Variants in KCNQ1 observed in about 807,000 individuals in gnomAD.
KCNQ1 encodes the protein potassium voltage-gated channel subfamily Q member 1.
KCNQ1 carries 49 observed loss-of-function variants against 72.4 expected under a neutral mutation model. The ratio of observed to expected loss-of-function variants is 0.68; its 90% CI spans 0.54 to 0.86. KCNQ1 has a LOEUF of 0.86. Ranked by LOEUF, KCNQ1 falls within the 40% of genes least tolerant of loss-of-function variation. The probability of loss-of-function intolerance (pLI) is 0.00; values close to 1 mark genes in which losing one functional copy is unlikely to be tolerated. For synonymous variants in KCNQ1, 450 were observed against 412.6 expected, an observed-to-expected ratio of 1.09 and a Z score of -1.10; for missense variants, 790 against 945.1, an observed-to-expected ratio of 0.84 and a Z score of 2.15.
At position 2,668,165 on chromosome 11, in the gene KCNQ1, C is replaced by A; in HGVS notation, c.1514+6084C>A. On this transcript the variant is annotated intron_variant, in intron 11 of 15. Transcript: ENST00000155840. The surrounding 1 kb of genome is among the most constrained non-coding windows in gnomAD (Gnocchi z 4.3). ...TGAAGGGAGAGTGCTCCCTCATGCT[C>A]CTTGCTGACTGGTGCTCCATTGTGT... 1 of 398,574 alleles carries A rather than the reference C, an allele frequency of 2.5e-6. No homozygotes were observed. Among genetic ancestry groups the A allele is most frequent in the South Asian group, 1.3e-4 (1 of 7,802 alleles). 24.7% of individuals were successfully genotyped at this position (398,574 alleles called of 1,614,324 possible).
chr11:2,629,357 T>G, intron 10 of KCNQ1: 2 of 398,492 alleles, frequency 5.0e-6, no homozygotes, highest in Non-Finnish European at 8.9e-6. Flanking sequence ...TCTCTATTTT[T>G]TATTTTATCT....
intron 2 of KCNQ1, among the ~76,000 whole-genome samples, chr11:2,554,956 A>G (rs1421089081): frequency 6.6e-6 from 1 of 152,256 alleles, no homozygotes; most frequent in Non-Finnish European, 1.5e-5. Context: ...TGAGGTACTC[A>G]GCAGTCAGAA....
At chr11:2,586,082 A>G (rs1848587902) in intron 8 of KCNQ1, among the ~76,000 whole-genome samples, 1 of 152,216 alleles carries the variant, frequency 6.6e-6, no homozygotes, top group Non-Finnish European at 1.5e-5. Flanking sequence ...AGGTGCCCAG[A>G]GGGTGGGCGT....
At position 2,673,753 on chromosome 11, in the gene KCNQ1, T is replaced by A. The variant is rs1850232732; in HGVS notation, c.1514+11672T>A. On this transcript the variant is annotated intron_variant, in intron 11 of 15. Coordinates refer to ENST00000155840, the MANE Select transcript of KCNQ1 (RefSeq NM_000218.3). This position sits in a 1 kb window ranked among gnomAD's most constrained non-coding sequence, Gnocchi z 4.5. ...AGACTGGACAGGGGAAGGGGTACAG[T>A]CCCTTCTTGCTGGTATGTTGGGAAG... The A allele has an allele frequency of 5.0e-6, 2 of 398,498 alleles. No homozygotes were observed. The highest frequency in any genetic ancestry group is 7.2e-5 in the East Asian group (2 of 27,958). 24.7% of individuals were successfully genotyped at this position (398,498 alleles called of 1,614,324 possible). A position where few individuals can be genotyped will look rare whatever the true frequency, so the allele number is the denominator to read the frequency against.
At chr11:2,789,937 CAG>C (rs1564893860) in intron 15 of KCNQ1, among the ~76,000 whole-genome samples, 1 of 152,204 alleles carries the variant, frequency 6.6e-6, no homozygotes, top group African/African-American at 2.4e-5. Context: ...CCTCCCCACT[CAG>C]AGGCTCCTCT....
intron 2 of KCNQ1, among the ~76,000 whole-genome samples, chr11:2,529,929 G>C (rs1323331595): frequency 2.0e-5 from 3 of 152,186 alleles, no homozygotes; most frequent in Non-Finnish European, 4.4e-5. Context: ...GTGGATTCTG[G>C]TCAGGGGTCT....
At position 2,621,145 on chromosome 11, in the gene KCNQ1, T is replaced by C. The variant is rs537238457; in HGVS notation, c.1393+32291T>C. ...GGTGACCGCCACCATACCTGGCTAA[T>C]TTTTGTGTTTTTAGTAGAGACGGGG... On this transcript the variant is annotated intron_variant, in intron 10 of 15. Coordinates refer to ENST00000155840, the MANE Select transcript of KCNQ1 (RefSeq NM_000218.3). This position sits in a 1 kb window ranked among gnomAD's most constrained non-coding sequence, Gnocchi z 5.7. The C allele has an allele frequency of 3.8e-5, 15 of 396,626 alleles. No homozygotes were observed. The highest frequency in any genetic ancestry group is 6.7e-5 in the Non-Finnish European group (15 of 225,480). 24.6% of individuals were successfully genotyped at this position (396,626 alleles called of 1,614,324 possible).
At chr11:2,701,113 C>T (rs1023705629) in intron 11 of KCNQ1, among the ~76,000 whole-genome samples, 1 of 152,214 alleles carries the variant, frequency 6.6e-6, no homozygotes, top group South Asian at 2.1e-4. Context: ...AGCCAGCCGT[C>T]CCCCCACCAA....
Position 2,601,031 on chromosome 11 carries a change from C to G in KCNQ1, c.1393+12177C>G, listed in dbSNP as rs1252931461. 1.3e-5 allele frequency among the ~76,000 whole-genome samples: 2 copies of G among 151,068 alleles called. No individual in the cohort carries two copies. Among genetic ancestry groups the G allele is most frequent in the Non-Finnish European group, 2.9e-5 (2 of 67,934 alleles). ...CAGTTACTATATTTTGCCTTGCAAC[C>G]AATAAACAATCGGGGGAGATTCTTT... On this transcript the variant is annotated intron_variant, in intron 10 of 15. Transcript: ENST00000155840. The surrounding 1 kb of genome is among the most constrained non-coding windows in gnomAD (Gnocchi z 5.2).
rs527814173 is a variant in KCNQ1 at position 2,660,808 on chromosome 11, T to A, written c.1394-1153T>A. The A allele has an allele frequency of 9.8e-5, 39 of 398,606 alleles. No homozygotes were observed. In the East Asian group the frequency reaches 1.4e-3, roughly 14 times the overall value. The allele number at this position is 398,606 out of a possible 1,614,324, so 24.7% of individuals were successfully genotyped here. ...TGGGAAAGCAATCTAGCAACATTTA[T>A]TAAAATTACTAAGGACACACCCTCT... On this transcript the variant is annotated intron_variant, in intron 10 of 15. Transcript: ENST00000155840.
At chr11:2,460,864 T>C (rs1846267823) in intron 1 of KCNQ1, among the ~76,000 whole-genome samples, 1 of 152,224 alleles carries the variant, frequency 6.6e-6, no homozygotes, top group African/African-American at 2.4e-5. Flanking sequence ...GGCTGGGGCG[T>C]GACTGCTTCT....
intron 15 of KCNQ1, among the ~76,000 whole-genome samples, chr11:2,811,775 C>T (rs182743751): frequency 5.9e-5 from 9 of 152,316 alleles, no homozygotes; most frequent in South Asian, 2.1e-4. Context: ...GCAACGGTGG[C>T]TGGGATGGGT....
intron 1 of KCNQ1, among the ~76,000 whole-genome samples, chr11:2,502,461 C>A (rs921986554): frequency 6.6e-6 from 1 of 151,972 alleles, no homozygotes; most frequent in Non-Finnish European, 1.5e-5. Flanking sequence ...AATAAAATAC[C>A]TAGGAATAAA....
Position 2,804,974 on chromosome 11 carries a change from T to C in KCNQ1, c.1794+26937T>C, listed in dbSNP as rs182222959. Among the ~76,000 whole-genome samples the C allele has an allele frequency of 5.3e-5, 8 of 152,306 alleles. No individual in the cohort carries two copies. The East Asian group carries it at 1.4e-3, about 26-fold the overall frequency. On this transcript the variant is annotated intron_variant, in intron 15 of 15. Coordinates refer to ENST00000155840, the MANE Select transcript of KCNQ1 (RefSeq NM_000218.3). ...GCAGCACCACAGTCAGATACAATGC[T>C]GACAGGGACGGCAGAGTTCCACAGG...
intron 1 of KCNQ1, among the ~76,000 whole-genome samples, chr11:2,460,202 G>A (rs1846254764): frequency 6.6e-6 from 1 of 152,186 alleles, no homozygotes; most frequent in African/African-American, 2.4e-5. Flanking sequence ...AGGACTCCGG[G>A]GCAGGGTGAG....
intron 1 of KCNQ1, among the ~76,000 whole-genome samples, chr11:2,502,223 G>C (rs1490647371): frequency 1.3e-5 from 2 of 152,184 alleles, no homozygotes; most frequent in East Asian, 3.9e-4. Flanking sequence ...AGAAAATAAA[G>C]GGCATCCAAG....
At position 2,515,571 on chromosome 11, in the gene KCNQ1, G is replaced by A. The variant is rs1847275261; in HGVS notation, c.387-12357G>A. Among the ~76,000 whole-genome samples the A allele has an allele frequency of 2.0e-5, 3 of 152,056 alleles. No homozygotes were observed. The highest frequency in any genetic ancestry group is 2.1e-4 in the South Asian group (1 of 4,824). On this transcript the variant is annotated intron_variant, in intron 1 of 15. Transcript: ENST00000155840. This position sits in a 1 kb window ranked among gnomAD's most constrained non-coding sequence, Gnocchi z 4.7. ...CCAGGCCTCGCCCAGGCAGAGCCTC[G>A]CCATTTCTGGGGTGGGGGGTGCACA... is the stretch of plus-strand genomic sequence containing the variant.
intron 10 of KCNQ1, chr11:2,633,618 T>G (rs1473606843): frequency 3.3e-5 from 13 of 398,486 alleles, no homozygotes; most frequent in Non-Finnish European, 5.8e-5. Context: ...GTGTTCAACA[T>G]GGTGTCCTTT....
In KCNQ1 at chr11:2,661,752, C is replaced by A; in HGVS notation, c.1394-209C>A. 1 of 632,236 alleles carries A rather than the reference C, an allele frequency of 1.6e-6. No individual in the cohort carries two copies. The highest frequency in any genetic ancestry group is 1.8e-5 in the South Asian group (1 of 54,800). 39.2% of individuals were successfully genotyped at this position (632,236 alleles called of 1,614,324 possible). ...CGAAGATGATTCACTGGCCTTTATT[C>A]TCCTCAGACACTGAGGTGTCAGGCA... is the stretch of plus-strand genomic sequence containing the variant. On this transcript the variant is annotated intron_variant, in intron 10 of 15. Coordinates refer to ENST00000155840, the MANE Select transcript of KCNQ1 (RefSeq NM_000218.3). This position sits in a 1 kb window ranked among gnomAD's most constrained non-coding sequence, Gnocchi z 5.9.
Sources: allele counts gnomAD v4.1 joint callset (sites outside exome capture counted in the v4.1 genomes callset), GRCh38; gene constraint gnomAD v4.1.1; non-coding constraint Gnocchi (gnomAD v3.1); transcripts MANE v1.5; gene names NCBI Gene and HGNC (gene_info 2026-07-23, HGNC 2026-07-21).